The following NTRK3 variants were observed in gnomAD, a reference collection of about 807,000 sequenced individuals.
NTRK3 encodes neurotrophic receptor tyrosine kinase 3.
A neutral mutation model predicts 91.7 loss-of-function variants in NTRK3; 24 were observed. The observed-to-expected ratio is 0.26, with a 90% CI of 0.19 to 0.37. The LOEUF is 0.37. NTRK3 is among the 10% of genes least tolerant of loss of function. The pLI is 1.00. For missense variants in NTRK3, 880 were observed against 1,068.9 expected, an observed-to-expected ratio of 0.82 and a Z score of 2.46; for synonymous variants, 483 against 404.0, an observed-to-expected ratio of 1.20 and a Z score of -2.34.
chr15:87,984,614 C>G (rs1364943450), intron 14 of NTRK3, among the ~76,000 whole-genome samples: 3 of 152,238 alleles, frequency 2.0e-5, no homozygotes, highest in African/African-American at 7.2e-5. Context: ...AAACCTAACC[C>G]ACAGGCCGTA....
intron 14 of NTRK3, among the ~76,000 whole-genome samples, chr15:88,022,733 A>C (rs552015634): frequency 6.6e-6 from 1 of 152,032 alleles, no homozygotes; most frequent in African/African-American, 2.4e-5. Context: ...TGGGGGTCTC[A>C]TCATTCTTCC....
chr15:88,178,182 G>T (rs1437826416), intron 5 of NTRK3, among the ~76,000 whole-genome samples: 2 of 152,202 alleles, frequency 1.3e-5, no homozygotes, highest in African/African-American at 4.8e-5. Context: ...CAGTGCAGAG[G>T]TAAGGGGGAA....
intron 14 of NTRK3, among the ~76,000 whole-genome samples, chr15:87,982,571 C>A (rs2074381748): frequency 6.6e-6 from 1 of 152,190 alleles, no homozygotes; most frequent in African/African-American, 2.4e-5. Flanking sequence ...TCTAAGAATA[C>A]TTTCCCTGAG....
chr15:87,971,845 A>T (rs922232), intron 14 of NTRK3, among the ~76,000 whole-genome samples: 103,370 of 152,156 alleles, frequency 0.68, 36,279 homozygotes, highest in African/African-American at 0.86. Context: ...TCTCTTTTTA[A>T]GAGAAGTGCG....
chr15:87,981,497 G>T, intron 14 of NTRK3: 2 of 1,138,216 alleles, frequency 1.8e-6, no homozygotes, highest in Non-Finnish European at 1.3e-6. Context: ...TACCCACTCT[G>T]CTGTGCCTGT....
intron 5 of NTRK3, among the ~76,000 whole-genome samples, chr15:88,175,530 GATA>G (rs1006832986): frequency 1.3e-5 from 2 of 151,310 alleles, no homozygotes; most frequent in African/African-American, 4.8e-5. Context: ...TTTTCATCAT[GATA>G]ATGATCAATT....
At chr15:87,912,250 A>G (rs566028001) in intron 17 of NTRK3, among the ~76,000 whole-genome samples, 106 of 152,332 alleles carry the variant, frequency 7.0e-4, no homozygotes, top group African/African-American at 2.4e-3. Context: ...ACAAAGCCTT[A>G]TTAGAAAAAT....
rs145148310 is a variant in NTRK3, at chr15:88,131,419, G to A, written c.1205-2685C>T. On this transcript the variant is annotated intron_variant, in intron 10 of 18. Coordinates refer to ENST00000394480, the Ensembl canonical transcript of NTRK3. ...TACTTATGGTACACGCAGTTCGGTTGCTTGTTTGTTGTCTGTTCTGTATTG... is the reference window on the plus strand; with the variant it reads ...TACTTATGGTACACGCAGTTCGGTTACTTGTTTGTTGTCTGTTCTGTATTG... 6.6e-3 allele frequency among the ~76,000 whole-genome samples: 1,000 copies of A among 152,280 alleles called. 14 individuals carry two copies. Among genetic ancestry groups the A allele is most frequent in the African/African-American group, 0.023 (956 of 41,548 alleles).
At chr15:87,872,508 A>T in exon 19 of NTRK3, 1 of 228,370 alleles carries the variant, frequency 4.4e-6, no homozygotes, top group East Asian at 6.3e-5. Flanking sequence ...AGAGATGGGC[A>T]GGCCTCTCTC....
At chr15:88,006,444 G>C (rs980254687) in intron 14 of NTRK3, among the ~76,000 whole-genome samples, 2 of 152,200 alleles carry the variant, frequency 1.3e-5, no homozygotes, top group Non-Finnish European at 2.9e-5. Flanking sequence ...GGGGAAAAAG[G>C]ATTGATAGAG....
Position 88,255,851 on chromosome 15 carries a change from G to A in NTRK3, c.248+55C>T, listed in dbSNP as rs2142083810. ...GCCGGCTCCCGGCCGCGGGTGGGCA[G>A]GAGGGAGACGCAGAGCGCGGGGGAG... is the stretch of plus-strand genomic sequence containing the variant. On this transcript the variant is annotated intron_variant, in intron 3 of 18. Coordinates refer to ENST00000394480, the Ensembl canonical transcript of NTRK3. The surrounding 1 kb of genome is among the most constrained non-coding windows in gnomAD (Gnocchi z 4.3). 6.5e-7 allele frequency: 1 copy of A among 1,532,886 alleles called. No individual in the cohort carries two copies. Among genetic ancestry groups the A allele is most frequent in the South Asian group, 1.2e-5 (1 of 81,640 alleles). The allele number at this position is 1,532,886 out of a possible 1,614,324, so 95.0% of individuals were successfully genotyped here.
chr15:88,137,592 T>C (rs765012677), intron 6 of NTRK3, 31 bp from the exon 7 acceptor site: 7 of 1,610,122 alleles, frequency 4.3e-6, no homozygotes, highest in Non-Finnish European at 5.9e-6. Flanking sequence ...GAAGGGAACC[T>C]CTGAACCGAA....
At chr15:88,112,725 G>A (rs1476461161) in intron 13 of NTRK3, among the ~76,000 whole-genome samples, 1 of 152,202 alleles carries the variant, frequency 6.6e-6, no homozygotes, top group Non-Finnish European at 1.5e-5. Flanking sequence ...GGGAGACTCT[G>A]AGCAGCAGGG....
chr15:88,215,583 G>A (rs1424557354), intron 3 of NTRK3, among the ~76,000 whole-genome samples: 1 of 152,176 alleles, frequency 6.6e-6, no homozygotes. Context: ...GAAAGCTGGG[G>A]GAAGAGGCCC....
At chr15:87,988,779 G>A (rs1373271976) in intron 14 of NTRK3, among the ~76,000 whole-genome samples, 1 of 152,078 alleles carries the variant, frequency 6.6e-6, no homozygotes, top group African/African-American at 2.4e-5. Flanking sequence ...TTCACAATAA[G>A]GATAATCTGT....
At chr15:88,088,498 T>C (rs2048713415) in intron 13 of NTRK3, among the ~76,000 whole-genome samples, 1 of 152,152 alleles carries the variant, frequency 6.6e-6, no homozygotes, top group Non-Finnish European at 1.5e-5. Context: ...AGTAATGATG[T>C]ACAGCAATAA....
intron 13 of NTRK3, among the ~76,000 whole-genome samples, chr15:88,122,812 A>AG (rs2052869918): frequency 6.6e-6 from 1 of 152,212 alleles, no homozygotes; most frequent in African/African-American, 2.4e-5. Flanking sequence ...AACTCTAACT[A>AG]GCCCATTGTT....
chr15:88,232,128 C>T (rs1050924653), intron 3 of NTRK3, among the ~76,000 whole-genome samples: 1 of 152,118 alleles, frequency 6.6e-6, no homozygotes, highest in African/African-American at 2.4e-5. Flanking sequence ...TCACCCACCC[C>T]ACTGGGCACT....
At chr15:87,936,138 G>T (rs933937854) in intron 15 of NTRK3, among the ~76,000 whole-genome samples, 4 of 152,162 alleles carry the variant, frequency 2.6e-5, no homozygotes, top group Non-Finnish European at 5.9e-5. Context: ...ACCTCAAAAT[G>T]GGTCACCAGT....
Sources: gnomAD v4.1 joint callset for allele counts (sites outside exome capture counted in the v4.1 genomes callset) on GRCh38, gnomAD v4.1.1 for gene constraint, Gnocchi (gnomAD v3.1) non-coding constraint, MANE v1.5 for transcripts, NCBI Gene and HGNC (gene_info 2026-07-23, HGNC 2026-07-21) for gene names.